Variants in DCC observed in about 807,000 individuals in gnomAD.
DCC encodes the protein netrin receptor DCC.
Under a neutral mutation model 172.5 loss-of-function variants are expected in DCC, and 58 were observed. The observed-to-expected ratio is 0.34, with a 90% CI of 0.27 to 0.42. The LOEUF is 0.42. DCC is among the 10% of genes least tolerant of loss of function. The pLI is 1.00. For synonymous variants in DCC, 709 were observed against 644.5 expected, an observed-to-expected ratio of 1.10 and a Z score of -1.52; for missense variants, 1,740 against 1,791.0, an observed-to-expected ratio of 0.97 and a Z score of 0.51.
At chr18:52,483,953 A>G (rs1228612209) in intron 1 of DCC, among the ~76,000 whole-genome samples, 1 of 151,778 alleles carries the variant, frequency 6.6e-6, no homozygotes, top group Non-Finnish European at 1.5e-5. Context: ...TTTTCTAGCT[A>G]TTTCTGCTAC....
At chr18:52,879,046 A>G (rs1296566250) in intron 2 of DCC, among the ~76,000 whole-genome samples, 1 of 151,964 alleles carries the variant, frequency 6.6e-6, no homozygotes, top group Non-Finnish European at 1.5e-5. Flanking sequence ...TACTAAAAAG[A>G]CTCCCATGCT....
At chr18:53,058,361 G>A (rs1238476379) in intron 5 of DCC, among the ~76,000 whole-genome samples, 2 of 152,106 alleles carry the variant, frequency 1.3e-5, no homozygotes, top group African/African-American at 4.8e-5. Flanking sequence ...TCTTTATTCT[G>A]TGGACATTGA....
chr18:52,678,792 C>T (rs2035690228), intron 1 of DCC, among the ~76,000 whole-genome samples: 2 of 152,216 alleles, frequency 1.3e-5, no homozygotes, highest in East Asian at 3.9e-4. Flanking sequence ...TTCATTATCC[C>T]CTTTCTGTTT....
chr18:52,921,108 G>A (rs774645569), intron 3 of DCC, among the ~76,000 whole-genome samples: 6 of 149,922 alleles, frequency 4.0e-5, no homozygotes, highest in South Asian at 2.2e-4. Context: ...ACATATATAT[G>A]ACATGCATTT....
intron 2 of DCC, among the ~76,000 whole-genome samples, chr18:52,833,296 T>C (rs1325756006): frequency 6.6e-6 from 1 of 152,186 alleles, no homozygotes; most frequent in Non-Finnish European, 1.5e-5. Flanking sequence ...GGAAGGCTAA[T>C]GCATCTCTTT....
chr18:53,096,813 A>T (rs531385089), intron 7 of DCC, among the ~76,000 whole-genome samples: 1 of 152,284 alleles, frequency 6.6e-6, no homozygotes, highest in Admixed American at 6.5e-5. Flanking sequence ...TATTATTATG[A>T]TCCTCGTCTG....
At chr18:52,610,169 AAAAAAAAAAATATATATAT>A (rs1170669535) in intron 1 of DCC, among the ~76,000 whole-genome samples, 2 of 27,242 alleles carry the variant, frequency 7.3e-5, no homozygotes, top group African/African-American at 1.7e-4. Context: ...AAAAAAAAAA[AAAAAAAAAAATATATATAT>A]ATATATATAT....
At chr18:53,275,153 C>T (rs768372078) in intron 12 of DCC, among the ~76,000 whole-genome samples, 7 of 152,112 alleles carry the variant, frequency 4.6e-5, no homozygotes, top group South Asian at 2.1e-4. Flanking sequence ...GAGTGGAATT[C>T]GTTAAGAATG....
At chr18:53,151,559 A>G (rs762175930) in intron 7 of DCC, among the ~76,000 whole-genome samples, 4 of 152,188 alleles carry the variant, frequency 2.6e-5, no homozygotes, top group Non-Finnish European at 5.9e-5. Context: ...TGTCAATTAG[A>G]TTTTACCATT....
Position 53,281,922 on chromosome 18 carries a change from A to G in DCC, c.1912-23656A>G, listed in dbSNP as rs190511159. ...TTATACACAGCTACGCTGGGGTAGG[A>G]TAAAGTGAGAGATCTTGGAGAATTG... On this transcript the variant is annotated intron_variant, in intron 12 of 28. Coordinates refer to ENST00000442544, the MANE Select transcript of DCC (RefSeq NM_005215.4). Among the ~76,000 whole-genome samples the G allele has an allele frequency of 3.9e-5, 6 of 152,268 alleles. No individual in the cohort carries two copies. In the East Asian group the frequency reaches 1.2e-3, roughly 29 times the overall value.
At chr18:52,965,231 C>G (rs947899810) in intron 5 of DCC, 4 of 152,080 alleles carry the variant, frequency 2.6e-5, no homozygotes, top group African/African-American at 9.7e-5. Flanking sequence ...TGCTGTGATC[C>G]ATAAATATTA....
chr18:52,746,072 G>A (rs1456843416), intron 1 of DCC, among the ~76,000 whole-genome samples: 1 of 152,118 alleles, frequency 6.6e-6, no homozygotes, highest in Non-Finnish European at 1.5e-5. Context: ...CAGAGTTAAA[G>A]TTGTACATGT....
At chr18:53,201,742 C>A (rs1186193838) in intron 9 of DCC, among the ~76,000 whole-genome samples, 3 of 152,128 alleles carry the variant, frequency 2.0e-5, no homozygotes, top group African/African-American at 7.2e-5. Context: ...TTTAAGACTC[C>A]TCGTTGTTCA....
intron 7 of DCC, among the ~76,000 whole-genome samples, chr18:53,148,064 T>G (rs1483271209): frequency 6.6e-6 from 1 of 152,238 alleles, no homozygotes; most frequent in Non-Finnish European, 1.5e-5. Context: ...CATACAAAAT[T>G]AAACTCCCTA....
intron 1 of DCC, among the ~76,000 whole-genome samples, chr18:52,585,952 G>T (rs2033661694): frequency 6.6e-6 from 1 of 151,722 alleles, no homozygotes; most frequent in African/African-American, 2.4e-5. Flanking sequence ...GAGTCTTGGC[G>T]GGCCCCTGTA....
At chr18:52,427,847 C>CCTTT (rs747098447) in intron 1 of DCC, among the ~76,000 whole-genome samples, 24 of 115,734 alleles carry the variant, frequency 2.1e-4, no homozygotes, top group African/African-American at 7.9e-4. Flanking sequence ...TTCCTTCCTT[C>CCTTT]CTTCCTTCCT....
intron 1 of DCC, among the ~76,000 whole-genome samples, chr18:52,392,729 G>A (rs1266188506): frequency 6.6e-6 from 1 of 151,952 alleles, no homozygotes; most frequent in Non-Finnish European, 1.5e-5. Context: ...ACTTTGGTGT[G>A]TTCCTGTCTA....
intron 2 of DCC, among the ~76,000 whole-genome samples, chr18:52,852,046 T>G: frequency 6.6e-6 from 1 of 152,114 alleles, no homozygotes; most frequent in Middle Eastern, 3.2e-3. Context: ...TTTTCCAAAT[T>G]TCAATAGCAA....
intron 5 of DCC, among the ~76,000 whole-genome samples, chr18:52,988,993 A>AT (rs202099687): frequency 1.1e-4 from 17 of 150,878 alleles, no homozygotes; most frequent in African/African-American, 2.2e-4. Context: ...TAGAAAATAG[A>AT]TTTTTTTTTC....
Sources: gnomAD v4.1 joint callset for allele counts (sites outside exome capture counted in the v4.1 genomes callset) on GRCh38, gnomAD v4.1.1 for gene constraint, MANE v1.5 for transcripts, NCBI Gene and HGNC (gene_info 2026-07-23, HGNC 2026-07-21) for gene names.